Variants in DDX23 observed in about 807,000 individuals in gnomAD.
DDX23 encodes the protein probable ATP-dependent RNA helicase DDX23.
Under a neutral mutation model 102.7 loss-of-function variants are expected in DDX23, and 33 were observed. That is an observed-to-expected ratio of 0.32 (90% CI 0.24 to 0.43). DDX23 has a LOEUF of 0.43. Ranked by LOEUF, DDX23 falls within the 20% of genes least tolerant of loss-of-function variation. The pLI, the probability that DDX23 is intolerant of heterozygous loss-of-function variation, is 1.00. For synonymous variants in DDX23, 352 were observed against 376.0 expected (o/e 0.94, Z 0.74); for missense variants, 549 against 1,086.6 (o/e 0.51, Z 6.96).
intron 3 of DDX23, among the ~76,000 whole-genome samples, chr12:48,841,573 G>T (rs1938551791): frequency 6.6e-6 from 1 of 152,202 alleles, no homozygotes; most frequent in Admixed American, 6.5e-5. Flanking sequence ...TGATTCTCGT[G>T]CCTCAGCCTG....
chr12:48,830,807 G>T lies in DDX23; in HGVS notation c.2240-115C>A. On this transcript the variant is annotated intron_variant, in intron 16 of 16. Transcript: ENST00000308025. This position sits in a 1 kb window ranked among gnomAD's most constrained non-coding sequence, Gnocchi z 4.9. ...CCCCATCTCCAAAGGCAGGAATACA[G>T]CACATGCTGCCTGAACCTGAGGCGC... 8.8e-7 allele frequency: 1 copy of T among 1,131,530 alleles called. No individual in the cohort carries two copies. Among genetic ancestry groups the T allele is most frequent in the Non-Finnish European group, 1.2e-6 (1 of 803,890 alleles). The allele number at this position is 1,131,530 out of a possible 1,614,324, so 70.1% of individuals were successfully genotyped here. A position where few individuals can be genotyped will look rare whatever the true frequency, so the allele number is the denominator to read the frequency against.
intron 3 of DDX23, among the ~76,000 whole-genome samples, chr12:48,843,527 G>T (rs111468142): frequency 6.9e-4 from 103 of 148,860 alleles, no homozygotes; most frequent in African/African-American, 2.5e-3. Flanking sequence ...TCTGTTAAGA[G>T]AAATCTACTT....
intron 2 of DDX23, among the ~76,000 whole-genome samples, chr12:48,845,196 A>G (rs10875879): frequency 0.43 from 63,983 of 150,398 alleles, 13,811 homozygotes; most frequent in East Asian, 0.59. Context: ...GCTCACGCCT[A>G]TAATCTCAGC....
chr12:48,837,881 CT>C, intron 6 of DDX23, 60 bp downstream of exon 6: 2 of 1,607,880 alleles, frequency 1.2e-6, no homozygotes, highest in Non-Finnish European at 1.7e-6. Context: ...CTAAGAGACA[CT>C]GTATCTCATC....
chr12:48,844,100 GC>G, intron 2 of DDX23, 50 bp from the exon 3 acceptor site: 1 of 1,561,728 alleles, frequency 6.4e-7, no homozygotes, highest in South Asian at 1.1e-5. Flanking sequence ...AAAGTATCTT[GC>G]TTCACTGCAG....
rs1442788341 is a variant in DDX23 at position 48,842,173 on chromosome 12, T to TG, written c.320+1766dup. Among the ~76,000 whole-genome samples the TG allele has an allele frequency of 7.9e-4, 52 of 66,000 alleles. 1 individual carries two copies. In the East Asian group the frequency reaches 0.024, roughly 31 times the overall value. The allele number at this position is 66,000 out of a possible 152,430, so 43.3% of individuals were successfully genotyped here. ...GCAGCCACCCCGTCCGGGAGGGAGGTGGGGGGGGTTAGCTCCCCACCCGGC... is the reference window on the plus strand; with the variant it reads ...GCAGCCACCCCGTCCGGGAGGGAGGTGGGGGGGGGTTAGCTCCCCACCCGGC... On this transcript the variant is annotated intron_variant, in intron 3 of 16. Transcript: ENST00000308025.
chr12:48,838,811 C>T (rs1363582802), intron 5 of DDX23, among the ~76,000 whole-genome samples: 1 of 151,924 alleles, frequency 6.6e-6, no homozygotes, highest in African/African-American at 2.4e-5. Flanking sequence ...CGAGATCATG[C>T]CACTGCACTC....
chr12:48,849,514 T>C (rs989687665), intron 1 of DDX23, among the ~76,000 whole-genome samples: 1 of 151,808 alleles, frequency 6.6e-6, no homozygotes, highest in African/African-American at 2.4e-5. Context: ...ATACAAAAAT[T>C]AGCCAGGCGT....
At position 48,830,443 on chromosome 12, in the gene DDX23, C is replaced by G; in HGVS notation, c.*26G>C. 6.2e-7 allele frequency: 1 copy of G among 1,613,346 alleles called. No homozygotes were observed. The highest frequency in any genetic ancestry group is 1.1e-5 in the South Asian group (1 of 91,022). The stretch of plus-strand genomic sequence containing the variant: ...AGGCATCAGGCAGCTTTGGAGATGC[C>G]CTCAGCCCACAGGAAGAGTGCTGTG... On this transcript the variant is annotated 3_prime_UTR_variant, in exon 17 of 17. Coordinates refer to ENST00000308025, the MANE Select transcript of DDX23 (RefSeq NM_004818.3). The surrounding 1 kb of genome is among the most constrained non-coding windows in gnomAD (Gnocchi z 4.9).
chr12:48,849,337 G>C (rs1038939673), intron 1 of DDX23, among the ~76,000 whole-genome samples: 2 of 151,968 alleles, frequency 1.3e-5, no homozygotes, highest in South Asian at 4.2e-4. Context: ...CGTCTATTTT[G>C]AACAATAAAA....
At position 48,829,779 on chromosome 12, in the gene DDX23, T is replaced by G. The variant is rs1592198116; in HGVS notation, c.*690A>C. On this transcript the variant is annotated 3_prime_UTR_variant, in exon 17 of 17. Coordinates refer to ENST00000308025, the MANE Select transcript of DDX23 (RefSeq NM_004818.3). ...TCTAACAGTCTTAATATTCATGTAT[T>G]TATTCTCAGAACATACAAACTTATC... 2 of 205,946 alleles carry G rather than the reference T, an allele frequency of 9.7e-6. No individual in the cohort carries two copies. The highest frequency in any genetic ancestry group is 1.8e-4 in the South Asian group (2 of 11,300). 12.8% of individuals were successfully genotyped at this position (205,946 alleles called of 1,614,324 possible). A position where few individuals can be genotyped will look rare whatever the true frequency, so the allele number is the denominator to read the frequency against.
In DDX23 at chr12:48,838,004, C is replaced by G. The variant is rs1293695699; in HGVS notation, c.557G>C (p.Arg186Thr). The G allele has an allele frequency of 2.5e-6, 4 of 1,614,126 alleles. No homozygotes were observed. Among genetic ancestry groups the G allele is most frequent in the Non-Finnish European group, 3.4e-6 (4 of 1,180,040 alleles). The stretch of plus-strand genomic sequence containing the variant: ...TTTCTTCCTCTCTTCTTCAAGCATC[C>G]TCTGCCGCTCTTCCACCTCCTGCTG... ...RRQQEVEERQ[R>T]MLEEERKKRK... The change falls in exon 6 of 17, where the codon AGG (arginine) becomes ACG (threonine). Residue 186 changes from arginine (R) to threonine (T), a missense_variant. Physicochemically the swap from Arg to Thr is moderately conservative, Grantham distance 71 (BLOSUM62 -1). This residue lies in a region of DDX23 where 241 missense variants were observed against 267.0 expected (regional missense o/e 0.90). Transcript: ENST00000308025.
At chr12:48,841,922 A>G (rs1938558961) in intron 3 of DDX23, among the ~76,000 whole-genome samples, 1 of 149,744 alleles carries the variant, frequency 6.7e-6, no homozygotes, top group Admixed American at 6.6e-5. Context: ...CAGGCCGCCC[A>G]TCGTCTGAGA....
chr12:48,834,491 T>C lies in DDX23; in HGVS notation c.1389A>G (p.Glu463=). 2 of 1,613,306 alleles carry C rather than the reference T, an allele frequency of 1.2e-6. No homozygotes were observed. Among genetic ancestry groups the C allele is most frequent in the Non-Finnish European group, 1.7e-6 (2 of 1,179,656 alleles). The change falls in exon 12 of 17, where the codon GAA becomes GAG. Residue 463 remains glutamate, a synonymous_variant. Coordinates refer to ENST00000308025, the MANE Select transcript of DDX23 (RefSeq NM_004818.3). ...TGGCATAAGGGCCTTGGTCTGACTC[T>C]TCGATCCTGTGGTAAACAGGGTGCC... The part of the protein sequence containing the change: ...ITTLPKIDRI[E]ESDQGPYAII...
chr12:48,841,982 C>G (rs1461933391), intron 3 of DDX23, among the ~76,000 whole-genome samples: 2 of 151,920 alleles, frequency 1.3e-5, no homozygotes, highest in African/African-American at 4.8e-5. Flanking sequence ...TGAGGAGCGT[C>G]TCTGCCCGGC....
At chr12:48,852,000 C>T (rs1160752725) in intron 1 of DDX23, 84 bp downstream of exon 1, 4 of 152,376 alleles carry the variant, frequency 2.6e-5, no homozygotes, top group Non-Finnish European at 5.9e-5. Flanking sequence ...CCCGCCTCAT[C>T]CAGGAGGCAG....
At chr12:48,849,852 A>G (rs1467125950) in intron 1 of DDX23, among the ~76,000 whole-genome samples, 1 of 152,174 alleles carries the variant, frequency 6.6e-6, no homozygotes, top group Non-Finnish European at 1.5e-5. Flanking sequence ...TATGGGGCCC[A>G]TGCCCCTTCG....
chr12:48,834,288 C>T, intron 12 of DDX23, 32 bp downstream of exon 12: 1 of 1,583,192 alleles, frequency 6.3e-7, no homozygotes, highest in Non-Finnish European at 8.6e-7. Context: ...CCTTCCCAGA[C>T]AGCAGGCTGG....
rs1288702007 is a variant in DDX23 at position 48,836,891 on chromosome 12, C to T, written c.1010+3G>A. On this transcript the variant is annotated splice_donor_region_variant and intron_variant, in intron 9 of 16. Coordinates refer to ENST00000308025, the MANE Select transcript of DDX23 (RefSeq NM_004818.3). The surrounding 1 kb of genome is among the most constrained non-coding windows in gnomAD (Gnocchi z 6.1). Reference sequence around the variant, plus strand: ...TCCAGCCACCCTAGCCTTGATCACTCACTCCTCCTGCTCCTTTTCTTCCAG... The same window carrying T: ...TCCAGCCACCCTAGCCTTGATCACTTACTCCTCCTGCTCCTTTTCTTCCAG... The T allele has an allele frequency of 6.2e-7, 1 of 1,613,880 alleles. No homozygotes were observed. Among genetic ancestry groups the T allele is most frequent in the East Asian group, 2.2e-5 (1 of 44,876 alleles).
Sources: allele counts gnomAD v4.1 joint callset (sites outside exome capture counted in the v4.1 genomes callset), GRCh38; gene constraint gnomAD v4.1.1; regional missense constraint gnomAD v4.1.1; non-coding constraint Gnocchi (gnomAD v3.1); transcripts MANE v1.5; gene names NCBI Gene and HGNC (gene_info 2026-07-23, HGNC 2026-07-21).